The following MYO9A variants were observed in gnomAD, a reference collection of about 807,000 sequenced individuals.
MYO9A encodes unconventional myosin-IXa.
In MYO9A, 103 loss-of-function variants were observed where a neutral mutation model predicts 293.3. The observed-to-expected ratio is 0.35, with a 90% CI of 0.30 to 0.41. The LOEUF (loss-of-function observed/expected upper bound fraction) is 0.41. Among genes scored for constraint, MYO9A ranks in the 10% least tolerant of loss-of-function variants. The pLI is 1.00. For missense variants in MYO9A, 2,685 were observed against 3,033.0 expected, an observed-to-expected ratio of 0.89 and a Z score of 2.69; for synonymous variants, 1,001 against 1,035.7, an observed-to-expected ratio of 0.97 and a Z score of 0.64.
intron 1 of MYO9A, among the ~76,000 whole-genome samples, chr15:72,058,789 G>C (rs2078795901): frequency 6.6e-6 from 1 of 152,146 alleles, no homozygotes; most frequent in Admixed American, 6.5e-5. Context: ...GACTGAGTTA[G>C]AAGGGACTAA....
rs1293375634 is a variant in MYO9A, at chr15:71,898,944, G to C, written c.3559C>G (p.Gln1187Glu). Residue 1187 changes from glutamine (Q) to glutamate (E), a missense_variant, in exon 25 of 42, where the codon CAG becomes GAG. Gln to Glu is a conservative substitution (Grantham distance 29). Coordinates refer to ENST00000356056, the MANE Select transcript of MYO9A (RefSeq NM_006901.4). ...TCCCATCCTGAAGGGTCTGAACCCT[G>C]AATTTCCAGAGATCCATATCCCTTA... The part of the protein sequence containing the change: ...NIKGYGSLEI[Q>E]GSDPSGWEDC... The C allele has an allele frequency of 1.2e-6, 2 of 1,613,870 alleles. No homozygotes were observed. The highest frequency in any genetic ancestry group is 1.3e-5 in the African/African-American group (1 of 74,900).
chr15:71,910,198 A>G, intron 19 of MYO9A, among the ~76,000 whole-genome samples: 1 of 143,122 alleles, frequency 7.0e-6, no homozygotes, highest in East Asian at 2.0e-4. Flanking sequence ...AGAAACTCAG[A>G]AGCCCCTTTG....
chr15:72,041,438 ATCT>A lies in MYO9A; in HGVS notation c.840+4283_840+4285del, dbSNP rs201563210. The A allele has an allele frequency of 1.2e-3, 402 of 338,648 alleles. 6 individuals are homozygous for A. In the East Asian group the frequency reaches 0.021, roughly 18 times the overall value. 21.0% of individuals were successfully genotyped at this position (338,648 alleles called of 1,614,324 possible). A position where few individuals can be genotyped will look rare whatever the true frequency, so the allele number is the denominator to read the frequency against. The stretch of plus-strand genomic sequence containing the variant: ...CCACGTTGTGAACAGAAGGACAAAT[ATCT>A]TCTTCTTCTTTTTTTCCCATGAAAA... On this transcript the variant is annotated intron_variant, in intron 2 of 41. Transcript: ENST00000356056.
chr15:72,011,090 G>C (rs1295237005), intron 6 of MYO9A, among the ~76,000 whole-genome samples: 3 of 151,524 alleles, frequency 2.0e-5, no homozygotes, highest in African/African-American at 7.3e-5. Flanking sequence ...GCTCACTGCA[G>C]CTTCGACCTC....
rs141151834 is a variant in MYO9A, at chr15:71,962,702, G to C, written c.1987-2606C>G. 1.4e-3 allele frequency among the ~76,000 whole-genome samples: 210 copies of C among 152,278 alleles called. 1 individual carries two copies. The highest frequency in any genetic ancestry group is 4.8e-3 in the African/African-American group (201 of 41,558). ...GCCATAATTTACTGATAAGTAAACA[G>C]AAAGGTAAAGCAGCTTGCCAAAGGT... is the stretch of plus-strand genomic sequence containing the variant. On this transcript the variant is annotated intron_variant, in intron 13 of 41. Transcript: ENST00000356056.
intron 32 of MYO9A, 88 bp from the exon 33 acceptor site, chr15:71,862,699 A>G (rs1285316906): frequency 1.4e-6 from 1 of 739,780 alleles, no homozygotes; most frequent in East Asian, 2.6e-5. Flanking sequence ...TCTCTTGTTA[A>G]GTCTTCACTA....
At chr15:71,939,132 A>G in intron 15 of MYO9A, 3 of 488,110 alleles carry the variant, frequency 6.1e-6, no homozygotes, top group Non-Finnish European at 1.1e-5. Context: ...TAATAATGAA[A>G]TATTTTCTTC....
intron 14 of MYO9A, among the ~76,000 whole-genome samples, chr15:71,956,468 G>A (rs766954401): frequency 1.1e-4 from 16 of 145,794 alleles, no homozygotes; most frequent in East Asian, 2.0e-4. Context: ...GTGAAACCTC[G>A]CCTCTACTAA....
chr15:71,853,703 G>A (rs2055750673), intron 35 of MYO9A, among the ~76,000 whole-genome samples: 1 of 152,212 alleles, frequency 6.6e-6, no homozygotes, highest in Admixed American at 6.5e-5. Context: ...AATGAAACCA[G>A]AGTCAGTCCC....
chr15:71,917,328 A>G (rs1319190864), intron 18 of MYO9A, among the ~76,000 whole-genome samples: 1 of 152,132 alleles, frequency 6.6e-6, no homozygotes, highest in African/African-American at 2.4e-5. Context: ...CGAGGTCAGG[A>G]GTTTGACATC....
intron 1 of MYO9A, among the ~76,000 whole-genome samples, chr15:72,106,746 G>A (rs147576620): frequency 0.012 from 1,852 of 152,156 alleles, 37 homozygotes; most frequent in African/African-American, 0.042. Context: ...GATTACAGGC[G>A]TGAGCCATAG....
intron 2 of MYO9A, among the ~76,000 whole-genome samples, chr15:72,042,926 C>T (rs753511084): frequency 6.6e-6 from 1 of 151,670 alleles, no homozygotes; most frequent in Non-Finnish European, 1.5e-5. Context: ...AAAACACAGC[C>T]GAGCACAGCA....
chr15:72,028,975 T>C (rs2077774224), intron 3 of MYO9A, among the ~76,000 whole-genome samples: 1 of 152,188 alleles, frequency 6.6e-6, no homozygotes, highest in African/African-American at 2.4e-5. Context: ...GCTATCATAC[T>C]GAGTTGATAG....
intron 33 of MYO9A, among the ~76,000 whole-genome samples, chr15:71,861,522 C>G (rs1375665047): frequency 6.8e-6 from 1 of 146,948 alleles, no homozygotes; most frequent in Non-Finnish European, 1.5e-5. Flanking sequence ...CTGTAATCTG[C>G]TAAAAGGATT....
chr15:72,064,035 A>G (rs1046481081), intron 1 of MYO9A, among the ~76,000 whole-genome samples: 7 of 152,218 alleles, frequency 4.6e-5, no homozygotes, highest in African/African-American at 1.7e-4. Context: ...GGAGGATACT[A>G]TGTTAAGCAA....
At chr15:71,849,985 CAT>C in intron 38 of MYO9A, 49 bp downstream of exon 38, 1 of 1,382,926 alleles carries the variant, frequency 7.2e-7, no homozygotes, top group Middle Eastern at 1.9e-4. Context: ...ACAGTGACTA[CAT>C]AGTCAGAAGT....
intron 19 of MYO9A, among the ~76,000 whole-genome samples, chr15:71,908,750 A>G (rs2144255487): frequency 6.6e-6 from 1 of 152,342 alleles, no homozygotes; most frequent in South Asian, 2.1e-4. Context: ...GTGATGAACC[A>G]ATACTGACAT....
chr15:72,028,341 A>C (rs973411515), intron 3 of MYO9A, among the ~76,000 whole-genome samples: 7 of 150,414 alleles, frequency 4.7e-5, no homozygotes, highest in African/African-American at 1.5e-4. Flanking sequence ...TCACTAAAGC[A>C]AAATAAAATA....
At chr15:72,021,157 C>T (rs893538079) in intron 4 of MYO9A, 140 bp from the exon 5 acceptor site, 8 of 541,448 alleles carry the variant, frequency 1.5e-5, no homozygotes, top group Non-Finnish European at 2.5e-5. Flanking sequence ...ATAAATTCAG[C>T]GTTTAAGTAC....
Sources: allele counts gnomAD v4.1 joint callset (sites outside exome capture counted in the v4.1 genomes callset), GRCh38; gene constraint gnomAD v4.1.1; transcripts MANE v1.5; gene names NCBI Gene and HGNC (gene_info 2026-07-23, HGNC 2026-07-21).